The following SSTR4 variants were observed in gnomAD, a reference collection of about 807,000 sequenced individuals.
The protein encoded by SSTR4 is somatostatin receptor type 4.
For missense variants in SSTR4, 649 were observed against 540.6 expected, an observed-to-expected ratio of 1.20 and a Z score of -1.99; for synonymous variants, 272 against 246.3, an observed-to-expected ratio of 1.10 and a Z score of -0.98.
chr20:23,036,984 A>G lies in SSTR4; in HGVS notation c.*334A>G, dbSNP rs945717142. Among the ~76,000 whole-genome samples, 3 of 152,176 alleles carry G rather than the reference A, an allele frequency of 2.0e-5. No homozygotes were observed. Among genetic ancestry groups the G allele is most frequent in the African/African-American group, 7.2e-5 (3 of 41,452 alleles). On this transcript the variant is annotated 3_prime_UTR_variant, in exon 1 of 1. Coordinates refer to ENST00000255008, the MANE Select transcript of SSTR4 (RefSeq NM_001052.4). ...TCCCTGTGTGTGACTCCTTACAGCC[A>G]CTGCTTGGGAGAGGACTCAAGAAGG... is the stretch of plus-strand genomic sequence containing the variant.
Position 23,036,626 on chromosome 20 carries a change from C to G in SSTR4, c.1143C>G (p.Pro381=), listed in dbSNP as rs1289554550. Residue 381 remains proline, a synonymous_variant, in exon 1 of 1, where the codon CCC becomes CCG. Coordinates refer to ENST00000255008, the MANE Select transcript of SSTR4 (RefSeq NM_001052.4). ...CAGAACCCGGCCGCAAGCGCATCCC[C>G]CTCACCAGGACCACCACCTTCTGAG... is the stretch of plus-strand genomic sequence containing the variant. The part of the protein sequence containing the change: ...LQPEPGRKRI[P]LTRTTTF The G allele has an allele frequency of 1.3e-6, 2 of 1,561,812 alleles. No individual in the cohort carries two copies. The highest frequency in any genetic ancestry group is 1.7e-6 in the Non-Finnish European group (2 of 1,154,898).
In SSTR4 at chr20:23,038,959, G is replaced by A. The variant is rs906643335; in HGVS notation, c.*2309G>A. On this transcript the variant is annotated 3_prime_UTR_variant, in exon 1 of 1. Coordinates refer to ENST00000255008, the MANE Select transcript of SSTR4 (RefSeq NM_001052.4). ...CAACGAGGTGCACTGAGCACTTGTC[G>A]GGGCTGTGTTTGGAGCCCATCAACA... 3.3e-5 allele frequency: 5 copies of A among 152,182 alleles called. No individual in the cohort carries two copies. Among genetic ancestry groups the A allele is most frequent in the Non-Finnish European group, 5.9e-5 (4 of 68,048 alleles). The allele number at this position is 152,182 out of a possible 1,614,324, so 9.4% of individuals were successfully genotyped here.
rs780628856 is a variant in SSTR4 at position 23,036,171 on chromosome 20, T to G, written c.688T>G (p.Cys230Gly). The G allele has an allele frequency of 6.2e-7, 1 of 1,610,648 alleles. No individual in the cohort carries two copies. ...FLLPVLAIGLCYLLIVGKMRA... is the reference protein window; with the variant it reads ...FLLPVLAIGLGYLLIVGKMRA... ...GCTGCCCGTGCTGGCCATTGGCCTG[T>G]GCTACCTGCTCATCGTGGGCAAGAT... Residue 230 changes from cysteine to glycine, a missense_variant, in exon 1 of 1, where the codon TGC becomes GGC. By Grantham distance (159) the Cys-to-Gly change is radical. Transcript: ENST00000255008.
At position 23,036,500 on chromosome 20, in the gene SSTR4, T is replaced by C; in HGVS notation, c.1017T>C (p.Ala339=). The C allele has an allele frequency of 1.2e-6, 2 of 1,613,962 alleles. No individual in the cohort carries two copies. The highest frequency in any genetic ancestry group is 8.5e-7 in the Non-Finnish European group (1 of 1,179,914). Residue 339 remains alanine, a synonymous_variant, in exon 1 of 1, where the codon GCT becomes GCC. Transcript: ENST00000255008. ...RCCLLEGAGG[A]EEEPLDYYAT... is the part of the protein sequence containing the mutation. ...GCCTCCTGGAAGGTGCTGGAGGTGC[T>C]GAGGAGGAGCCCCTGGACTACTATG...
At position 23,036,503 on chromosome 20, in the gene SSTR4, G is replaced by A; in HGVS notation, c.1020G>A (p.Glu340=). The A allele has an allele frequency of 6.2e-7, 1 of 1,613,960 alleles. No individual in the cohort carries two copies. Among genetic ancestry groups the A allele is most frequent in the Non-Finnish European group, 8.5e-7 (1 of 1,179,938 alleles). The change falls in exon 1 of 1, where the codon GAG becomes GAA. Residue 340 remains glutamate, a synonymous_variant. Coordinates refer to ENST00000255008, the MANE Select transcript of SSTR4 (RefSeq NM_001052.4). ...CCLLEGAGGA[E]EEPLDYYATA... Reference sequence around the variant, plus strand: ...TCCTGGAAGGTGCTGGAGGTGCTGAGGAGGAGCCCCTGGACTACTATGCCA... The same window carrying A: ...TCCTGGAAGGTGCTGGAGGTGCTGAAGAGGAGCCCCTGGACTACTATGCCA...
rs1984295357 is a variant in SSTR4 at position 23,035,840 on chromosome 20, C to A, written c.357C>A (p.Cys119Ter). ...ACTGGCCCTTCGGCTCCGTGCTGTG[C>A]CGCGCGGTGCTCAGCGTCGACGGCC... is the stretch of plus-strand genomic sequence containing the variant. ...LRHWPFGSVL[C>*]RAVLSVDGLN... The change falls in exon 1 of 1, where the codon TGC (cysteine) becomes TGA (stop). Residue 119 changes from cysteine (C) to a stop codon, truncating the protein, a stop_gained. Transcript: ENST00000255008. LOFTEE classifies it low-confidence loss of function (END_TRUNC). The A allele has an allele frequency of 1.2e-6, 2 of 1,600,056 alleles. No homozygotes were observed. Among genetic ancestry groups the A allele is most frequent in the African/African-American group, 1.3e-5 (1 of 74,828 alleles).
In SSTR4 at chr20:23,035,523, G is replaced by A. The variant is rs1398183330; in HGVS notation, c.40G>A (p.Gly14Arg). 6.3e-7 allele frequency: 1 copy of A among 1,577,952 alleles called. No individual in the cohort carries two copies. ...GACGCTGCCCCCCGGGGGCGAGGAA[G>A]GGCTGGGGACGGCCTGGCCCTCTGC... ...PSTLPPGGEEGLGTAWPSAAN... is the reference protein window; with the variant it reads ...PSTLPPGGEERLGTAWPSAAN... Residue 14 changes from glycine (G) to arginine (R), a missense_variant, in exon 1 of 1, where the codon GGG becomes AGG. Coordinates refer to ENST00000255008, the MANE Select transcript of SSTR4 (RefSeq NM_001052.4).
At position 23,035,508 on chromosome 20, in the gene SSTR4, C is replaced by G. The variant is rs776811912; in HGVS notation, c.25C>G (p.Pro9Ala). MSAPSTLP[P>A]GGEEGLGTAW... Reference sequence around the variant, plus strand: ...CATGAGCGCCCCCTCGACGCTGCCCCCCGGGGGCGAGGAAGGGCTGGGGAC... The same window carrying G: ...CATGAGCGCCCCCTCGACGCTGCCCGCCGGGGGCGAGGAAGGGCTGGGGAC... The change falls in exon 1 of 1, where the codon CCC becomes GCC. Residue 9 changes from proline (P) to alanine (A), a missense_variant. Coordinates refer to ENST00000255008, the MANE Select transcript of SSTR4 (RefSeq NM_001052.4). The G allele has an allele frequency of 5.1e-6, 8 of 1,564,944 alleles. No individual in the cohort carries two copies. The highest frequency in any genetic ancestry group is 4.3e-4 in the Middle Eastern group (2 of 4,676).
Position 23,035,613 on chromosome 20 carries a change from G to C in SSTR4, c.130G>C (p.Ala44Pro). ...EAVAGPGDAR[A>P]AGMVAIQCIY... is the part of the protein sequence containing the mutation. The stretch of plus-strand genomic sequence containing the variant: ...GGTGGCGGGGCCCGGGGACGCGCGG[G>C]CGGCGGGCATGGTCGCTATCCAGTG... The change falls in exon 1 of 1, where the codon GCG (alanine) becomes CCG (proline). Residue 44 changes from alanine to proline, a missense_variant. Ala to Pro is a conservative substitution (Grantham distance 27, BLOSUM62 -1). Transcript: ENST00000255008. The C allele has an allele frequency of 6.5e-7, 1 of 1,547,496 alleles. No individual in the cohort carries two copies. The highest frequency in any genetic ancestry group is 8.7e-7 in the Non-Finnish European group (1 of 1,152,196).
In SSTR4 at chr20:23,035,915, C is replaced by T; in HGVS notation, c.432C>T (p.Arg144=). The change falls in exon 1 of 1, where the codon CGC becomes CGT. Residue 144 remains arginine (R), a synonymous_variant. Coordinates refer to ENST00000255008, the MANE Select transcript of SSTR4 (RefSeq NM_001052.4). ...GTCTCACCGTGCTCAGCGTGGACCG[C>T]TACGTGGCCGTGGTGCACCCTCTGC... ...VFCLTVLSVD[R]YVAVVHPLRA... is the part of the protein sequence containing the mutation. 1.2e-6 allele frequency: 2 copies of T among 1,613,050 alleles called. No individual in the cohort carries two copies. Among genetic ancestry groups the T allele is most frequent in the Non-Finnish European group, 1.7e-6 (2 of 1,179,674 alleles).
chr20:23,035,655 T>C lies in SSTR4; in HGVS notation c.172T>C (p.Cys58Arg). Residue 58 changes from cysteine (C) to arginine (R), a missense_variant, in exon 1 of 1, where the codon TGC (cysteine) becomes CGC (arginine). Cys to Arg is a radical substitution (Grantham distance 180). Coordinates refer to ENST00000255008, the MANE Select transcript of SSTR4 (RefSeq NM_001052.4). ...VAIQCIYALV[C>R]LVGLVGNALV... ...TATCCAGTGCATCTACGCGCTGGTG[T>C]GCCTGGTGGGGCTGGTGGGCAACGC... is the stretch of plus-strand genomic sequence containing the variant. 6.5e-7 allele frequency: 1 copy of C among 1,539,732 alleles called. No individual in the cohort carries two copies. The highest frequency in any genetic ancestry group is 8.7e-7 in the Non-Finnish European group (1 of 1,144,518).
Position 23,036,220 on chromosome 20 carries a change from G to T in SSTR4, c.737G>T (p.Gly246Val). Residue 246 changes from glycine to valine, a missense_variant, in exon 1 of 1, where the codon GGC becomes GTC. By Grantham distance (109) the Gly-to-Val change is moderately radical (BLOSUM62 -3). Coordinates refer to ENST00000255008, the MANE Select transcript of SSTR4 (RefSeq NM_001052.4). ...GKMRAVALRA[G>V]WQQRRRSEKK... ...ATGCGCGCCGTGGCCCTGCGCGCTGGCTGGCAGCAGCGCAGGCGCTCGGAG... is the reference window on the plus strand; with the variant it reads ...ATGCGCGCCGTGGCCCTGCGCGCTGTCTGGCAGCAGCGCAGGCGCTCGGAG... 4 of 1,613,838 alleles carry T rather than the reference G, an allele frequency of 2.5e-6. No individual in the cohort carries two copies. The highest frequency in any genetic ancestry group is 8.5e-7 in the Non-Finnish European group (1 of 1,179,998).
rs1984364226 is a variant in SSTR4, at chr20:23,037,629, C to A, written c.*979C>A. ...ATGTAAGTTGAACACAATAAAAGGCCGTATCTTTGTTGCCTGATGTGTTAA... is the reference window on the plus strand; with the variant it reads ...ATGTAAGTTGAACACAATAAAAGGCAGTATCTTTGTTGCCTGATGTGTTAA... On this transcript the variant is annotated 3_prime_UTR_variant, in exon 1 of 1. Transcript: ENST00000255008. 6.6e-6 allele frequency among the ~76,000 whole-genome samples: 1 copy of A among 152,120 alleles called. No individual in the cohort carries two copies. The highest frequency in any genetic ancestry group is 2.1e-4 in the South Asian group (1 of 4,826).
rs2207106 is a variant in SSTR4 at position 23,038,434 on chromosome 20, C to T, written c.*1784C>T. On this transcript the variant is annotated 3_prime_UTR_variant, in exon 1 of 1. Transcript: ENST00000255008. Reference sequence around the variant, plus strand: ...ACTCTCTGATAAGCAAGACAGGGCACCTACCAGGAGTCTTGGCAACACTAG... The same window carrying T: ...ACTCTCTGATAAGCAAGACAGGGCATCTACCAGGAGTCTTGGCAACACTAG... 50,182 of 152,012 alleles carry T rather than the reference C, an allele frequency of 0.33. 8,557 individuals carry two copies. The highest frequency in any genetic ancestry group is 0.48 in the Middle Eastern group (140 of 290). 9.4% of individuals were successfully genotyped at this position (152,012 alleles called of 1,614,324 possible).
In SSTR4 at chr20:23,036,027, G is replaced by A. The variant is rs1331250930; in HGVS notation, c.544G>A (p.Ala182Thr). The change falls in exon 1 of 1, where the codon GCC (alanine) becomes ACC (threonine). Residue 182 changes from alanine (A) to threonine (T), a missense_variant. Coordinates refer to ENST00000255008, the MANE Select transcript of SSTR4 (RefSeq NM_001052.4). Reference sequence around the variant, plus strand: ...ATCCCTGTTGGTCACTCTCCCCATCGCCATCTTCGCAGACACCAGACCGGC... The same window carrying A: ...ATCCCTGTTGGTCACTCTCCCCATCACCATCTTCGCAGACACCAGACCGGC... ...LASLLVTLPI[A>T]IFADTRPARG... 1.3e-6 allele frequency: 2 copies of A among 1,590,838 alleles called. No homozygotes were observed. Among genetic ancestry groups the A allele is most frequent in the Non-Finnish European group, 1.7e-6 (2 of 1,173,518 alleles).
In SSTR4 at chr20:23,038,441, G is replaced by C. The variant is rs1433369610; in HGVS notation, c.*1791G>C. 6.6e-6 allele frequency: 1 copy of C among 152,176 alleles called. No individual in the cohort carries two copies. Among genetic ancestry groups the C allele is most frequent in the Admixed American group, 6.5e-5 (1 of 15,288 alleles). 9.4% of individuals were successfully genotyped at this position (152,176 alleles called of 1,614,324 possible). A position where few individuals can be genotyped will look rare whatever the true frequency, so the allele number is the denominator to read the frequency against. ...GATAAGCAAGACAGGGCACCTACCA[G>C]GAGTCTTGGCAACACTAGTGTGTGG... On this transcript the variant is annotated 3_prime_UTR_variant, in exon 1 of 1. Coordinates refer to ENST00000255008, the MANE Select transcript of SSTR4 (RefSeq NM_001052.4).
Position 23,036,214 on chromosome 20 carries a change from G to A in SSTR4, c.731G>A (p.Arg244His), listed in dbSNP as rs777377940. ...GGCAAGATGCGCGCCGTGGCCCTGC[G>A]CGCTGGCTGGCAGCAGCGCAGGCGC... ...IVGKMRAVAL[R>H]AGWQQRRRSE... The change falls in exon 1 of 1, where the codon CGC becomes CAC. Residue 244 changes from arginine (R) to histidine (H), a missense_variant. Coordinates refer to ENST00000255008, the MANE Select transcript of SSTR4 (RefSeq NM_001052.4). 7 of 1,613,552 alleles carry A rather than the reference G, an allele frequency of 4.3e-6. No homozygotes were observed. Among genetic ancestry groups the A allele is most frequent in the African/African-American group, 2.7e-5 (2 of 74,920 alleles).
rs886281677 is a variant in SSTR4 at position 23,039,037 on chromosome 20, A to G, written c.*2387A>G. On this transcript the variant is annotated 3_prime_UTR_variant, in exon 1 of 1. Transcript: ENST00000255008. ...CCAGGCTTTTGTAACAACTGGTTGC[A>G]TGAAACCCTCCCTTGTAGTTTGTGT... 6.6e-6 allele frequency: 1 copy of G among 152,216 alleles called. No homozygotes were observed. The highest frequency in any genetic ancestry group is 1.5e-5 in the Non-Finnish European group (1 of 68,054). The allele number at this position is 152,216 out of a possible 1,614,324, so 9.4% of individuals were successfully genotyped here.
In SSTR4 at chr20:23,035,993, G is replaced by A. The variant is rs2122652611; in HGVS notation, c.510G>A (p.Val170=). The change falls in exon 1 of 1, where the codon GTG becomes GTA. Residue 170 remains valine (V), a synonymous_variant. Coordinates refer to ENST00000255008, the MANE Select transcript of SSTR4 (RefSeq NM_001052.4). ...PSVAKLINLG[V]WLASLLVTLP... ...TGGCCAAGCTCATCAACCTGGGCGT[G>A]TGGCTGGCATCCCTGTTGGTCACTC... The A allele has an allele frequency of 6.2e-7, 1 of 1,600,398 alleles. No homozygotes were observed. The highest frequency in any genetic ancestry group is 1.1e-5 in the South Asian group (1 of 89,986).
Sources: gnomAD v4.1 joint callset for allele counts (sites outside exome capture counted in the v4.1 genomes callset) on GRCh38, gnomAD v4.1.1 for gene constraint, MANE v1.5 for transcripts, NCBI Gene and HGNC (gene_info 2026-07-23, HGNC 2026-07-21) for gene names.